The following HERC2 variants were observed in gnomAD, a reference collection of about 807,000 sequenced individuals.
HERC2 encodes HECT and RLD domain containing E3 ubiquitin protein ligase 2.
HERC2 carries 102 observed loss-of-function variants against 537.7 expected under a neutral mutation model. The observed-to-expected ratio is 0.19, with a 90% CI of 0.16 to 0.22. The LOEUF (loss-of-function observed/expected upper bound fraction) is 0.22, where lower values mean the gene tolerates loss of function less well. Among genes scored for constraint, HERC2 ranks in the 10% least tolerant of loss-of-function variants. HERC2 has a pLI of 1.00. For missense variants in HERC2, 4,236 were observed against 6,198.2 expected (o/e 0.68, Z 10.63); for synonymous variants, 2,224 against 2,466.2 (o/e 0.90, Z 2.91).
intron 19 of HERC2, among the ~76,000 whole-genome samples, chr15:28,255,333 CA>C (rs1047655648): frequency 2.7e-5 from 4 of 148,904 alleles, no homozygotes; most frequent in Admixed American, 6.7e-5. Flanking sequence ...GACGCTGTCT[CA>C]AAAAAAAAGA....
intron 55 of HERC2, among the ~76,000 whole-genome samples, chr15:28,187,092 G>A (rs552023626): frequency 3.2e-4 from 48 of 152,270 alleles, no homozygotes; most frequent in South Asian, 6.2e-4. Context: ...AACTAAGGAA[G>A]ATATTAAATG....
chr15:28,129,571 G>C (rs1208214164), intron 83 of HERC2, among the ~76,000 whole-genome samples: 1 of 152,238 alleles, frequency 6.6e-6, no homozygotes, highest in Non-Finnish European at 1.5e-5. Context: ...CCGAAACCCA[G>C]GTTCCCAGAC....
intron 59 of HERC2, among the ~76,000 whole-genome samples, chr15:28,178,603 T>C (rs1171720098): frequency 6.6e-6 from 1 of 152,192 alleles, no homozygotes; most frequent in Non-Finnish European, 1.5e-5. Context: ...TGGTTTCATT[T>C]TCTTTTAAAG....
At chr15:28,263,308 C>CT in intron 14 of HERC2, 139 bp from the exon 15 acceptor site, 1 of 857,380 alleles carries the variant, frequency 1.2e-6, no homozygotes, top group Non-Finnish European at 1.8e-6. Flanking sequence ...AGGGTGGCTA[C>CT]TGAGCAAACG....
intron 38 of HERC2, 57 bp downstream of exon 38, chr15:28,218,432 C>A (rs1900159823): frequency 1.4e-6 from 2 of 1,465,410 alleles, no homozygotes; most frequent in South Asian, 1.1e-5. Context: ...AACACCCAGA[C>A]ACAAGCGTGC....
intron 4 of HERC2, among the ~76,000 whole-genome samples, chr15:28,283,717 T>C (rs528064744): frequency 4.4e-4 from 67 of 152,324 alleles, no homozygotes; most frequent in African/African-American, 1.6e-3. Flanking sequence ...CATTGTCATA[T>C]GTGGTTATCA....
chr15:28,250,183 C>A (rs1005649479), intron 20 of HERC2, among the ~76,000 whole-genome samples: 2 of 152,098 alleles, frequency 1.3e-5, no homozygotes, highest in Non-Finnish European at 2.9e-5. Flanking sequence ...CACTTGCCCC[C>A]GTGGCTCACA....
At chr15:28,245,560 A>AAT (rs1202469399) in intron 23 of HERC2, among the ~76,000 whole-genome samples, 9 of 98,736 alleles carry the variant, frequency 9.1e-5, no homozygotes, top group African/African-American at 5.3e-4. Flanking sequence ...AAAAAAAAAA[A>AAT]ATATATACAC....
At chr15:28,139,495 G>A (rs1890974054) in intron 78 of HERC2, among the ~76,000 whole-genome samples, 1 of 152,222 alleles carries the variant, frequency 6.6e-6, no homozygotes, top group Non-Finnish European at 1.5e-5. Context: ...ACAGCCTCAA[G>A]ATGACTGCAG....
chr15:28,199,368 A>G (rs2158400), intron 48 of HERC2, among the ~76,000 whole-genome samples: 3 of 152,208 alleles, frequency 2.0e-5, no homozygotes, highest in African/African-American at 7.2e-5. Flanking sequence ...TAACAGTGGA[A>G]ACATCACACC....
At chr15:28,242,097 T>A (rs550505181) in intron 23 of HERC2, among the ~76,000 whole-genome samples, 5 of 152,196 alleles carry the variant, frequency 3.3e-5, no homozygotes, top group Admixed American at 6.5e-5. Context: ...GTTCCATGTA[T>A]ATGAAGTACC....
chr15:28,167,374 T>A (rs1490805485), intron 68 of HERC2, among the ~76,000 whole-genome samples: 2 of 152,186 alleles, frequency 1.3e-5, no homozygotes, highest in African/African-American at 4.8e-5. Context: ...CAACATGCAA[T>A]CCTAGGTTGA....
intron 4 of HERC2, among the ~76,000 whole-genome samples, chr15:28,282,909 A>G (rs192640058): frequency 3.8e-4 from 58 of 150,978 alleles, no homozygotes; most frequent in African/African-American, 1.4e-3. Context: ...CCAGCCTGGG[A>G]AACAGGGAGA....
chr15:28,187,210 A>G (rs1896390454), intron 55 of HERC2, among the ~76,000 whole-genome samples: 1 of 152,156 alleles, frequency 6.6e-6, no homozygotes, highest in Admixed American at 6.5e-5. Flanking sequence ...GACCCAGCTC[A>G]ACAGTTACCA....
rs1378481897 is a variant in HERC2, at chr15:28,280,297, A to T, written c.323-10T>A. ...TTCAGTTCATTCACATCTAGAAAATAAGACAAGAAAACATCTCACCTGTGG... is the reference window on the plus strand; with the variant it reads ...TTCAGTTCATTCACATCTAGAAAATTAGACAAGAAAACATCTCACCTGTGG... On this transcript the variant is annotated splice_polypyrimidine_tract_variant and intron_variant, in intron 4 of 92. Transcript: ENST00000261609. 1 of 1,595,840 alleles carries T rather than the reference A, an allele frequency of 6.3e-7. No individual in the cohort carries two copies. The highest frequency in any genetic ancestry group is 8.5e-7 in the Non-Finnish European group (1 of 1,171,128).
chr15:28,136,738 T>C (rs564323548), intron 78 of HERC2, among the ~76,000 whole-genome samples: 51 of 152,338 alleles, frequency 3.3e-4, no homozygotes, highest in Admixed American at 3.9e-4. Flanking sequence ...GCTGCTTTTG[T>C]AGTCGCAACA....
intron 3 of HERC2, among the ~76,000 whole-genome samples, chr15:28,299,039 A>G (rs924907541): frequency 2.0e-5 from 3 of 152,184 alleles, no homozygotes; most frequent in Non-Finnish European, 4.4e-5. Context: ...AAACACAGCC[A>G]CTGTTATGAA....
chr15:28,111,765 A>C lies in HERC2; in HGVS notation c.14503T>G (p.Ter4835GluextTer7). Residue 4835 changes from the stop codon to glutamate, a stop_lost, in exon 93 of 93, where the codon TAA (stop) becomes GAA (glutamate). Coordinates refer to ENST00000261609, the MANE Select transcript of HERC2 (RefSeq NM_004667.6). ...TCTCACGAGGACGTTTCCCCATCTTAGTGTCCTGTTAAATAATCTTGTGTA... is the reference window on the plus strand; with the variant it reads ...TCTCACGAGGACGTTTCCCCATCTTCGTGTCCTGTTAAATAATCTTGTGTA... ...DSTQDYLTGH[*>E] 6.2e-7 allele frequency: 1 copy of C among 1,612,746 alleles called. No individual in the cohort carries two copies. The highest frequency in any genetic ancestry group is 2.2e-5 in the East Asian group (1 of 44,852).
chr15:28,140,876 T>C (rs1424348483), intron 78 of HERC2, among the ~76,000 whole-genome samples: 1 of 151,934 alleles, frequency 6.6e-6, no homozygotes, highest in African/African-American at 2.4e-5. Context: ...AAGAAATACA[T>C]CTAACGAGTG....
Sources: gnomAD v4.1 joint callset for allele counts (sites outside exome capture counted in the v4.1 genomes callset) on GRCh38, gnomAD v4.1.1 for gene constraint, MANE v1.5 for transcripts, NCBI Gene and HGNC (gene_info 2026-07-23, HGNC 2026-07-21) for gene names.